GMDS: variants seen among roughly 807,000 people sequenced by gnomAD.
The protein encoded by GMDS is GDP-mannose 4,6-dehydratase.
A neutral mutation model predicts 49.9 loss-of-function variants in GMDS; 20 were observed. The ratio of observed to expected loss-of-function variants is 0.40; its 90% CI spans 0.28 to 0.58. The LOEUF is 0.58. GMDS is among the 20% of genes least tolerant of loss of function. The pLI is 0.42. For synonymous variants in GMDS, 177 were observed against 178.6 expected (o/e 0.99, Z 0.07); for missense variants, 362 against 481.4 (o/e 0.75, Z 2.32).
At chr6:1,932,759 C>T (rs1365986745) in intron 6 of GMDS, among the ~76,000 whole-genome samples, 2 of 152,020 alleles carry the variant, frequency 1.3e-5, no homozygotes, top group African/African-American at 4.8e-5. Context: ...AGGATGGTCT[C>T]GATCTCCTGA....
intron 6 of GMDS, among the ~76,000 whole-genome samples, chr6:1,944,883 A>T (rs1763001607): frequency 6.6e-6 from 1 of 152,174 alleles, no homozygotes; most frequent in Admixed American, 6.5e-5. Flanking sequence ...AGTTGGCTCT[A>T]ATGACAGTTT....
At chr6:1,971,702 A>T (rs965849478) in intron 4 of GMDS, among the ~76,000 whole-genome samples, 1 of 152,104 alleles carries the variant, frequency 6.6e-6, no homozygotes, top group Non-Finnish European at 1.5e-5. Context: ...CACTCTCCAC[A>T]CTGTGGGGGC....
At chr6:2,155,236 T>A (rs1361858393) in intron 1 of GMDS, among the ~76,000 whole-genome samples, 1 of 152,186 alleles carries the variant, frequency 6.6e-6, no homozygotes, top group Non-Finnish European at 1.5e-5. Flanking sequence ...CAGAAGACTA[T>A]CTACAACCAA....
At chr6:1,787,900 T>A (rs886148078) in intron 7 of GMDS, among the ~76,000 whole-genome samples, 1 of 152,192 alleles carries the variant, frequency 6.6e-6, no homozygotes, top group African/African-American at 2.4e-5. Context: ...GACTGAAATG[T>A]GGACCTCCGC....
chr6:1,995,439 T>C (rs1766216976), intron 4 of GMDS, among the ~76,000 whole-genome samples: 1 of 152,178 alleles, frequency 6.6e-6, no homozygotes, highest in Non-Finnish European at 1.5e-5. Flanking sequence ...TTAGGGATTC[T>C]ATCAAAAACT....
intron 4 of GMDS, among the ~76,000 whole-genome samples, chr6:2,063,514 T>C (rs1771316520): frequency 6.6e-6 from 1 of 152,096 alleles, no homozygotes; most frequent in Admixed American, 6.5e-5. Context: ...AACCAAACCA[T>C]AATAAATGGT....
chr6:2,168,548 GATACACTGTAGA>G (rs1777787689), intron 1 of GMDS, among the ~76,000 whole-genome samples: 1 of 152,164 alleles, frequency 6.6e-6, no homozygotes, highest in South Asian at 2.1e-4. Context: ...ATTGAGAGAG[GATACACTGTAGA>G]AAAGACCCTA....
At chr6:2,003,423 A>G (rs535797939) in intron 4 of GMDS, among the ~76,000 whole-genome samples, 1 of 152,308 alleles carries the variant, frequency 6.6e-6, no homozygotes, top group African/African-American at 2.4e-5. Flanking sequence ...AAGCGAAATG[A>G]CTAGTGTAAA....
At chr6:2,116,864 A>C (rs1205943902) in intron 3 of GMDS, among the ~76,000 whole-genome samples, 1 of 152,084 alleles carries the variant, frequency 6.6e-6, no homozygotes, top group South Asian at 2.1e-4. Context: ...CCATTTCCTC[A>C]ACTATAATGT....
chr6:1,891,131 G>A (rs1030391809), intron 7 of GMDS, among the ~76,000 whole-genome samples: 15 of 152,124 alleles, frequency 9.9e-5, no homozygotes, highest in Non-Finnish European at 1.6e-4. Flanking sequence ...TCTTTGATTC[G>A]TTCCTTTCCT....
chr6:1,800,777 C>T (rs1467328718), intron 7 of GMDS, among the ~76,000 whole-genome samples: 1 of 152,102 alleles, frequency 6.6e-6, no homozygotes, highest in Admixed American at 6.5e-5. Context: ...TTATCATCAG[C>T]TCCTTAGCCC....
chr6:2,206,086 A>C, intron 1 of GMDS, among the ~76,000 whole-genome samples: 1 of 152,040 alleles, frequency 6.6e-6, no homozygotes, highest in African/African-American at 2.4e-5. Flanking sequence ...TGGAGAAATC[A>C]TGTCTCTACT....
chr6:1,645,646 CA>C (rs1186555348), intron 9 of GMDS, among the ~76,000 whole-genome samples: 2 of 152,216 alleles, frequency 1.3e-5, no homozygotes, highest in Admixed American at 1.3e-4. Context: ...CCCCTTTCTG[CA>C]GACAACTTCA....
chr6:2,221,387 CT>C (rs11302115), intron 1 of GMDS, among the ~76,000 whole-genome samples: 6,184 of 144,350 alleles, frequency 0.043, 403 homozygotes, highest in African/African-American at 0.14. Flanking sequence ...CTAAAATGTT[CT>C]TTTTTTTTTT....
intron 7 of GMDS, among the ~76,000 whole-genome samples, chr6:1,880,071 G>A (rs1759289245): frequency 6.6e-6 from 1 of 152,018 alleles, no homozygotes; most frequent in Non-Finnish European, 1.5e-5. Flanking sequence ...TTCTTAAATA[G>A]AGTTTCTATT....
intron 8 of GMDS, among the ~76,000 whole-genome samples, chr6:1,732,730 C>T (rs1157356862): frequency 6.6e-6 from 1 of 152,166 alleles, no homozygotes; most frequent in Non-Finnish European, 1.5e-5. Flanking sequence ...AACAGCAGAG[C>T]ACAGAACATT....
intron 6 of GMDS, among the ~76,000 whole-genome samples, chr6:1,953,474 A>T (rs1763466459): frequency 6.6e-6 from 1 of 152,156 alleles, no homozygotes. Context: ...CTTAATTATC[A>T]TGCAAAATGT....
intron 1 of GMDS, among the ~76,000 whole-genome samples, chr6:2,177,507 G>C (rs1778337391): frequency 6.6e-6 from 1 of 152,124 alleles, no homozygotes; most frequent in Non-Finnish European, 1.5e-5. Context: ...GATCAAGTAG[G>C]CTTTATTTCT....
intron 1 of GMDS, among the ~76,000 whole-genome samples, chr6:2,226,033 G>T (rs928877884): frequency 6.6e-6 from 1 of 151,882 alleles, no homozygotes; most frequent in African/African-American, 2.4e-5. Context: ...GAGAGGAATA[G>T]AAAAGAAAAA....
Sources: allele counts gnomAD v4.1 joint callset (sites outside exome capture counted in the v4.1 genomes callset), GRCh38; gene constraint gnomAD v4.1.1; transcripts MANE v1.5; gene names NCBI Gene and HGNC (gene_info 2026-07-23, HGNC 2026-07-21).